THRAP3: variants seen among roughly 807,000 people sequenced by gnomAD.
THRAP3 encodes thyroid hormone receptor associated protein 3.
In THRAP3, 16 loss-of-function variants were observed where a neutral mutation model predicts 101.0. That is an observed-to-expected ratio of 0.16 (90% CI 0.11 to 0.24). The LOEUF is 0.24. Among genes scored for constraint, THRAP3 ranks in the 10% least tolerant of loss-of-function variants. THRAP3 has a pLI of 1.00. For synonymous variants in THRAP3, 407 were observed against 422.6 expected, an observed-to-expected ratio of 0.96 and a Z score of 0.45; for missense variants, 989 against 1,202.7, an observed-to-expected ratio of 0.82 and a Z score of 2.63.
chr1:36,296,254 G>A (rs868338962), intron 8 of THRAP3, among the ~76,000 whole-genome samples: 1 of 152,072 alleles, frequency 6.6e-6, no homozygotes, highest in East Asian at 1.9e-4. Flanking sequence ...GATTACAGGC[G>A]TGAGCCACTG....
chr1:36,295,576 C>CCTTCCTTT (rs779240597), intron 8 of THRAP3, among the ~76,000 whole-genome samples: 4 of 142,508 alleles, frequency 2.8e-5, no homozygotes, highest in Non-Finnish European at 4.7e-5. Flanking sequence ...TTCCTTCCTT[C>CCTTCCTTT]CCTCCTCCCT....
chr1:36,301,098 C>G lies in THRAP3; in HGVS notation c.2502+14C>G. 1.2e-6 allele frequency: 2 copies of G among 1,612,248 alleles called. No individual in the cohort carries two copies. ...CGAGGAACCTTTGTAAGACCTTCCC[C>G]TCTCCCCCTTTCTCTGAGACCCTTG... On this transcript the variant is annotated intron_variant, in intron 10 of 11. Transcript: ENST00000354618.
chr1:36,210,900 A>C, the THRAP3 span, among the ~76,000 whole-genome samples: 1 of 148,120 alleles, frequency 6.8e-6, no homozygotes, highest in Non-Finnish European at 1.5e-5. Context: ...ATGTGGTCTA[A>C]GTGTTGGAAT....
intron 1 of THRAP3, among the ~76,000 whole-genome samples, chr1:36,245,453 G>A (rs1191038769): frequency 6.6e-6 from 1 of 152,166 alleles, no homozygotes; most frequent in Non-Finnish European, 1.5e-5. Context: ...TTAGATGTGA[G>A]CCACCACGCC....
upstream of THRAP3, among the ~76,000 whole-genome samples, chr1:36,220,645 C>T (rs1443025719): frequency 6.6e-6 from 1 of 151,376 alleles, no homozygotes; most frequent in Non-Finnish European, 1.5e-5. Flanking sequence ...GAGTTTGAGA[C>T]CAGAATGGGC....
chr1:36,289,222 G>T lies in THRAP3; in HGVS notation c.1203G>T (p.Lys401Asn), dbSNP rs763993748. The change falls in exon 5 of 12, where the codon AAG (lysine) becomes AAT (asparagine). Residue 401 changes from lysine (K) to asparagine (N), a missense_variant. Lys to Asn is a moderately conservative substitution (Grantham distance 94, BLOSUM62 0). Coordinates refer to ENST00000354618, the MANE Select transcript of THRAP3 (RefSeq NM_005119.4). Reference protein sequence around the residue: ...DSFAPKTDSEKPFRGSQSPKR... With the variant: ...DSFAPKTDSENPFRGSQSPKR... ...TTGCTCCCAAAACTGATTCTGAGAA[G>T]CCTTTTCGGGGCAGTCAGTCTCCCA... 2.2e-5 allele frequency: 36 copies of T among 1,614,056 alleles called. No homozygotes were observed. The highest frequency in any genetic ancestry group is 3.1e-5 in the Non-Finnish European group (36 of 1,180,042).
intron 1 of THRAP3, among the ~76,000 whole-genome samples, chr1:36,235,910 G>A (rs866356325): frequency 2.6e-5 from 4 of 152,104 alleles, no homozygotes; most frequent in Middle Eastern, 3.4e-3. Flanking sequence ...ATAATACAGT[G>A]AGTTTCAAAA....
chr1:36,260,971 T>C (rs1415666248), intron 2 of THRAP3, among the ~76,000 whole-genome samples: 2 of 152,228 alleles, frequency 1.3e-5, no homozygotes, highest in Non-Finnish European at 2.9e-5. Flanking sequence ...TGTACAACTA[T>C]TTGTTTTCTG....
In THRAP3 at chr1:36,289,170, G is replaced by A; in HGVS notation, c.1151G>A (p.Gly384Asp). 1 of 1,614,076 alleles carries A rather than the reference G, an allele frequency of 6.2e-7. No homozygotes were observed. Among genetic ancestry groups the A allele is most frequent in the Admixed American group, 1.7e-5 (1 of 60,016 alleles). Reference sequence around the variant, plus strand: ...GGGAGCTTCTCTGACACAGGCTTGGGTGATGGAAAAATGAAATCTGATTCT... The same window carrying A: ...GGGAGCTTCTCTGACACAGGCTTGGATGATGGAAAAATGAAATCTGATTCT... Reference protein sequence around the residue: ...EKGSFSDTGLGDGKMKSDSFA... With the variant: ...EKGSFSDTGLDDGKMKSDSFA... The change falls in exon 5 of 12, where the codon GGT (glycine) becomes GAT (aspartate). Residue 384 changes from glycine (G) to aspartate (D), a missense_variant. Physicochemically the swap from Gly to Asp is moderately conservative, Grantham distance 94. Transcript: ENST00000354618.
At chr1:36,252,927 CATATATATAT>C (rs71053916) in intron 1 of THRAP3, among the ~76,000 whole-genome samples, 4,322 of 76,530 alleles carry the variant, frequency 0.056, 129 homozygotes, top group African/African-American at 0.096. Context: ...TATAGATAGG[CATATATATAT>C]ATATATATAT....
At chr1:36,239,862 G>A (rs1253411142) in intron 1 of THRAP3, among the ~76,000 whole-genome samples, 1 of 152,122 alleles carries the variant, frequency 6.6e-6, no homozygotes, top group Admixed American at 6.6e-5. Flanking sequence ...GGTAAAATAT[G>A]TATAACATAA....
the THRAP3 span, among the ~76,000 whole-genome samples, chr1:36,212,560 A>T: frequency 5.9e-5 from 9 of 151,532 alleles, no homozygotes; most frequent in Non-Finnish European, 1.3e-4. Flanking sequence ...AGCTGGGATT[A>T]CAGGTGCGTG....
chr1:36,274,074 TGTCACACACACACACA>T (rs1364653931), intron 2 of THRAP3, among the ~76,000 whole-genome samples: 27 of 126,052 alleles, frequency 2.1e-4, no homozygotes, highest in African/African-American at 4.8e-4. Flanking sequence ...TGTGTGTGTG[TGTCACACACACACACA>T]CACACACACA....
intron 2 of THRAP3, among the ~76,000 whole-genome samples, chr1:36,279,944 A>G (rs889067944): frequency 6.6e-6 from 1 of 152,204 alleles, no homozygotes; most frequent in African/African-American, 2.4e-5. Context: ...TACCCCTTGT[A>G]TGCCAGACAC....
chr1:36,268,299 C>T (rs139599793), intron 2 of THRAP3, among the ~76,000 whole-genome samples: 1 of 151,350 alleles, frequency 6.6e-6, no homozygotes, highest in East Asian at 1.9e-4. Context: ...TCAGATGACT[C>T]AGTGTGTTTT....
Position 36,282,638 on chromosome 1 carries a change from T to C in THRAP3, c.75T>C (p.Arg25=), listed in dbSNP as rs1318895606. 6.2e-7 allele frequency: 1 copy of C among 1,614,166 alleles called. No individual in the cohort carries two copies. Among genetic ancestry groups the C allele is most frequent in the Non-Finnish European group, 8.5e-7 (1 of 1,180,008 alleles). The change falls in exon 3 of 12, where the codon CGT becomes CGC. Residue 25 remains arginine (R), a synonymous_variant. Transcript: ENST00000354618. The part of the protein sequence containing the change: ...RSRSASRSRS[R]SFSKSRSRSR... Reference sequence around the variant, plus strand: ...GATCTGCATCAAGATCTCGTTCTCGTTCATTTTCGAAGTCTCGGTCCCGAA... The same window carrying C: ...GATCTGCATCAAGATCTCGTTCTCGCTCATTTTCGAAGTCTCGGTCCCGAA...
chr1:36,241,796 C>T (rs945783952), intron 1 of THRAP3: 1 of 152,120 alleles, frequency 6.6e-6, no homozygotes, highest in Admixed American at 6.6e-5. Context: ...TCAGGCTGGC[C>T]TCGAACTCCT....
intron 9 of THRAP3, among the ~76,000 whole-genome samples, chr1:36,297,444 A>ATTTTTTT (rs764365723): frequency 3.3e-5 from 4 of 122,370 alleles, no homozygotes; most frequent in African/African-American, 6.2e-5. Flanking sequence ...GCTGGCAAGC[A>ATTTTTTT]TTTTTTTTTT....
At chr1:36,282,261 A>T (rs1466282030) in intron 2 of THRAP3, among the ~76,000 whole-genome samples, 1 of 148,772 alleles carries the variant, frequency 6.7e-6, no homozygotes. Context: ...GAGATAGGGT[A>T]TTGCTCTTTC....
Sources: allele counts gnomAD v4.1 joint callset (sites outside exome capture counted in the v4.1 genomes callset), GRCh38; gene constraint gnomAD v4.1.1; transcripts MANE v1.5; gene names NCBI Gene and HGNC (gene_info 2026-07-23, HGNC 2026-07-21).